Variants in PFKFB3 observed in about 807,000 individuals in gnomAD.
The protein encoded by PFKFB3 is 6-phosphofructo-2-kinase/fructose-2,6-biphosphatase 3, also known as 6-phosphofructo-2-kinase/fructose-2,6-bisphosphatase 3.
In PFKFB3, 33 loss-of-function variants were observed where a neutral mutation model predicts 68.0. The ratio of observed to expected loss-of-function variants is 0.49; its 90% CI spans 0.37 to 0.65. The LOEUF (loss-of-function observed/expected upper bound fraction) is 0.65, where lower values mean the gene tolerates loss of function less well. PFKFB3 is among the 30% of genes least tolerant of loss of function. PFKFB3 has a pLI of 0.00. For missense variants in PFKFB3, 586 were observed against 712.2 expected, an observed-to-expected ratio of 0.82 and a Z score of 2.02; for synonymous variants, 315 against 288.2, an observed-to-expected ratio of 1.09 and a Z score of -0.94.
At chr10:6,199,014 T>C (rs924596555), upstream of PFKFB3, among the ~76,000 whole-genome samples, 1 of 152,242 alleles carries the variant, frequency 6.6e-6, no homozygotes, top group Non-Finnish European at 1.5e-5. Context: ...CTGTTCTCAA[T>C]CATGTGTGAG....
chr10:6,172,821 C>CAGAA (rs1842353135), intron 1 of PFKFB3, among the ~76,000 whole-genome samples: 1 of 139,278 alleles, frequency 7.2e-6, no homozygotes. Flanking sequence ...GACTTCATCT[C>CAGAA]AGAAAAAAAA....
rs1484000066 is a variant in PFKFB3, at chr10:6,233,195, T to G, written c.*253T>G. ...CCCCACCTCCACTCTCTGGGTTTCC[T>G]AGGAATGTCCAGCCTCGGAGACCTT... On this transcript the variant is annotated 3_prime_UTR_variant, in exon 15 of 15. Transcript: ENST00000379775. 8 of 493,198 alleles carry G rather than the reference T, an allele frequency of 1.6e-5. No homozygotes were observed. The highest frequency in any genetic ancestry group is 2.8e-5 in the South Asian group (1 of 35,370). 30.6% of individuals were successfully genotyped at this position (493,198 alleles called of 1,614,324 possible).
chr10:6,161,202 C>T (rs1841957568), intron 1 of PFKFB3, among the ~76,000 whole-genome samples: 1 of 152,184 alleles, frequency 6.6e-6, no homozygotes, highest in Non-Finnish European at 1.5e-5. Flanking sequence ...TCCCAAAGTG[C>T]TGGAATTACA....
At chr10:6,216,301 AG>A in intron 4 of PFKFB3, 110 bp downstream of exon 4, 1 of 1,086,790 alleles carries the variant, frequency 9.2e-7, no homozygotes, top group Non-Finnish European at 1.4e-6. Flanking sequence ...GGTGGAGGAA[AG>A]CAGGTGGCCA....
At chr10:6,259,257 T>TATCCATCCATCCACCCAACC (rs1398395134), downstream of PFKFB3, among the ~76,000 whole-genome samples, 74 of 138,866 alleles carry the variant, frequency 5.3e-4, no homozygotes, top group South Asian at 1.5e-3. Flanking sequence ...TCCATTCATC[T>TATCCATCCATCCACCCAACC]ATCCATCCAT....
chr10:6,177,825 G>C (rs1842573924), intron 1 of PFKFB3, among the ~76,000 whole-genome samples: 1 of 152,164 alleles, frequency 6.6e-6, no homozygotes, highest in African/African-American at 2.4e-5. Context: ...GCCTGGCCAG[G>C]ATGTTTCTGA....
chr10:6,224,455 A>T (rs1232975423), intron 13 of PFKFB3: 1 of 643,490 alleles, frequency 1.6e-6, no homozygotes, highest in Admixed American at 2.4e-5. Context: ...AGCTCGAGAT[A>T]TGAATATTAG....
At chr10:6,227,607 T>C (rs1176604154) in intron 14 of PFKFB3, among the ~76,000 whole-genome samples, 1 of 152,184 alleles carries the variant, frequency 6.6e-6, no homozygotes, top group African/African-American at 2.4e-5. Context: ...TCAGGCCCAG[T>C]GTCGGGCATG....
intron 1 of PFKFB3, among the ~76,000 whole-genome samples, chr10:6,196,897 G>T (rs370085518): frequency 5.9e-5 from 9 of 151,642 alleles, no homozygotes; most frequent in Admixed American, 5.9e-4. Context: ...CCCCCGTCAC[G>T]CTCCCAAAGT....
intron 1 of PFKFB3, among the ~76,000 whole-genome samples, chr10:6,167,901 GT>G (rs1842189772): frequency 6.6e-6 from 1 of 152,106 alleles, no homozygotes; most frequent in African/African-American, 2.4e-5. Flanking sequence ...GTTAAATTTT[GT>G]TTCTCTTTGC....
chr10:6,231,587 G>C, intron 14 of PFKFB3: 1 of 985,432 alleles, frequency 1.0e-6, no homozygotes, highest in Non-Finnish European at 1.2e-6. Context: ...GCCGGAAGCT[G>C]TGGGCTGGTG....
At chr10:6,185,639 CTTTTT>C (rs59230234) in intron 1 of PFKFB3, among the ~76,000 whole-genome samples, 2 of 120,542 alleles carry the variant, frequency 1.7e-5, no homozygotes, top group Non-Finnish European at 3.3e-5. Context: ...CTCCCCGCTC[CTTTTT>C]TTTTTTTTTT....
At position 6,154,656 on chromosome 10, in the gene PFKFB3, G is replaced by A. The variant is rs1016430710; in HGVS notation, c.16+9643G>A. 6.6e-6 allele frequency among the ~76,000 whole-genome samples: 1 copy of A among 152,186 alleles called. No homozygotes were observed. Among genetic ancestry groups the A allele is most frequent in the Non-Finnish European group, 1.5e-5 (1 of 68,038 alleles). On this transcript the variant is annotated intron_variant, in intron 1 of 14. Coordinates refer to the PFKFB3 transcript ENST00000379789. The surrounding 1 kb of genome is among the most constrained non-coding windows in gnomAD (Gnocchi z 4.6). ...CAGGAGACCAGGTGGGAGTCTCTGGGCCTGCTGCAGGTGGCTGCGATCAGG... is the reference window on the plus strand; with the variant it reads ...CAGGAGACCAGGTGGGAGTCTCTGGACCTGCTGCAGGTGGCTGCGATCAGG...
rs1375454854 is a variant in PFKFB3 at position 6,241,511 on chromosome 10, TA to T, written c.1516-12666del. ...GAGCTCCACCTCCGGAAGGGAGCAG[TA>T]TCAAAGAATCTGTGGCCATGTGTTA... is the stretch of plus-strand genomic sequence containing the variant. On this transcript the variant is annotated intron_variant, in intron 14 of 14. Transcript: ENST00000640683. Among the ~76,000 whole-genome samples the T allele has an allele frequency of 2.6e-5, 4 of 152,302 alleles. No homozygotes were observed. In the East Asian group the frequency reaches 7.7e-4, roughly 29 times the overall value.
At chr10:6,259,569 C>CCATCCATCCATCCAA, downstream of PFKFB3, among the ~76,000 whole-genome samples, 1 of 18,862 alleles carries the variant, frequency 5.3e-5, no homozygotes, top group East Asian at 4.4e-3. Flanking sequence ...CATCCATCCA[C>CCATCCATCCATCCAA]TCATCCATCC....
At chr10:6,276,286 GTTTA>G in the PFKFB3 span, among the ~76,000 whole-genome samples, 2 of 151,710 alleles carry the variant, frequency 1.3e-5, no homozygotes, top group Admixed American at 6.6e-5. Flanking sequence ...AGGGGTTGTT[GTTTA>G]TTTATATGTA....
At chr10:6,206,156 A>G (rs1001575665) in intron 1 of PFKFB3, among the ~76,000 whole-genome samples, 22 of 146,434 alleles carry the variant, frequency 1.5e-4, no homozygotes, top group Non-Finnish European at 3.1e-4. Context: ...GATGACTCTC[A>G]ACGAGCATGC....
chr10:6,306,198 C>T, the PFKFB3 span, among the ~76,000 whole-genome samples: 1 of 152,156 alleles, frequency 6.6e-6, no homozygotes, highest in East Asian at 1.9e-4. Context: ...TGCACTTGGC[C>T]TTCTCATTCC....
At chr10:6,179,369 G>A (rs1257050013) in intron 1 of PFKFB3, among the ~76,000 whole-genome samples, 1 of 152,200 alleles carries the variant, frequency 6.6e-6, no homozygotes, top group Non-Finnish European at 1.5e-5. Flanking sequence ...ATCCAAATAA[G>A]GGATCATCCA....
Sources: allele counts gnomAD v4.1 joint callset (sites outside exome capture counted in the v4.1 genomes callset), GRCh38; gene constraint gnomAD v4.1.1; non-coding constraint Gnocchi (gnomAD v3.1); transcripts MANE v1.5; gene names NCBI Gene and HGNC (gene_info 2026-07-23, HGNC 2026-07-21).